The following GRID2 variants were observed in gnomAD, a reference collection of about 807,000 sequenced individuals.
The protein encoded by GRID2 is glutamate receptor ionotropic, delta-2.
Under a neutral mutation model 114.8 loss-of-function variants are expected in GRID2, and 33 were observed. That is an observed-to-expected ratio of 0.29 (90% CI 0.22 to 0.38). The LOEUF (loss-of-function observed/expected upper bound fraction) is 0.38, where lower values mean the gene tolerates loss of function less well. Ranked by LOEUF, GRID2 falls within the 10% of genes least tolerant of loss-of-function variation. The probability of loss-of-function intolerance (pLI) is 1.00; values close to 1 mark genes in which losing one functional copy is unlikely to be tolerated. For synonymous variants in GRID2, 505 were observed against 449.9 expected, an observed-to-expected ratio of 1.12 and a Z score of -1.55; for missense variants, 1,184 against 1,257.7, an observed-to-expected ratio of 0.94 and a Z score of 0.89.
intron 10 of GRID2, among the ~76,000 whole-genome samples, chr4:93,434,719 G>T (rs1034898608): frequency 6.6e-6 from 1 of 152,106 alleles, no homozygotes; most frequent in African/African-American, 2.4e-5. Flanking sequence ...CAGCCAGAGT[G>T]ATCCAGTCAT....
At chr4:93,237,081 C>T (rs1746886339) in intron 7 of GRID2, among the ~76,000 whole-genome samples, 1 of 151,786 alleles carries the variant, frequency 6.6e-6, no homozygotes, top group African/African-American at 2.4e-5. Flanking sequence ...AATGAAATGG[C>T]TTAGCCTGGT....
chr4:92,487,393 T>C (rs1482216433), intron 1 of GRID2, among the ~76,000 whole-genome samples: 1 of 152,018 alleles, frequency 6.6e-6, no homozygotes, highest in Non-Finnish European at 1.5e-5. Flanking sequence ...CTATCTGTTA[T>C]TATACTCGTG....
At chr4:93,128,655 A>C (rs558737626) in intron 4 of GRID2, among the ~76,000 whole-genome samples, 1 of 152,226 alleles carries the variant, frequency 6.6e-6, no homozygotes, top group South Asian at 2.1e-4. Flanking sequence ...TAAGAAGAGG[A>C]GCAGGAATGG....
chr4:93,234,541 G>A (rs1480407772), intron 7 of GRID2, among the ~76,000 whole-genome samples: 1 of 151,346 alleles, frequency 6.6e-6, no homozygotes, highest in Admixed American at 6.6e-5. Flanking sequence ...GAGTGTATAT[G>A]TATATATGCA....
At chr4:92,967,216 T>C (rs925600629) in intron 2 of GRID2, among the ~76,000 whole-genome samples, 4 of 151,964 alleles carry the variant, frequency 2.6e-5, no homozygotes, top group African/African-American at 7.2e-5. Flanking sequence ...AGTGGATTCA[T>C]TGAGCAAACT....
chr4:93,008,757 A>AT (rs1210280818), intron 2 of GRID2, among the ~76,000 whole-genome samples: 3 of 151,644 alleles, frequency 2.0e-5, no homozygotes, highest in Non-Finnish European at 2.9e-5. Context: ...GCTGTTTTTC[A>AT]TTTTTTTTGC....
At chr4:92,762,746 A>G (rs985575327) in intron 2 of GRID2, among the ~76,000 whole-genome samples, 1 of 152,232 alleles carries the variant, frequency 6.6e-6, no homozygotes, top group Non-Finnish European at 1.5e-5. Context: ...AGGAATAGAC[A>G]GGAAGAGGAT....
chr4:93,473,740 C>G (rs1725058511), intron 11 of GRID2, among the ~76,000 whole-genome samples: 1 of 152,078 alleles, frequency 6.6e-6, no homozygotes, highest in African/African-American at 2.4e-5. Context: ...ATTCATATTG[C>G]TTCCTCAGTT....
At chr4:92,810,577 G>A (rs1292106356) in intron 2 of GRID2, among the ~76,000 whole-genome samples, 5 of 152,028 alleles carry the variant, frequency 3.3e-5, no homozygotes, top group African/African-American at 9.7e-5. Context: ...TATAAAATTT[G>A]TGAGGCATTT....
At chr4:92,443,474 G>A (rs1264815344) in intron 1 of GRID2, among the ~76,000 whole-genome samples, 2 of 151,654 alleles carry the variant, frequency 1.3e-5, no homozygotes, top group African/African-American at 4.8e-5. Context: ...AAAAGAGAGA[G>A]TAGAGAAACG....
At chr4:93,483,713 A>G (rs188190990) in intron 11 of GRID2, among the ~76,000 whole-genome samples, 14 of 152,094 alleles carry the variant, frequency 9.2e-5, no homozygotes, top group Non-Finnish European at 1.6e-4. Flanking sequence ...ATGTGGTAAA[A>G]CAATCACATC....
intron 1 of GRID2, among the ~76,000 whole-genome samples, chr4:92,425,831 AC>A (rs1345395574): frequency 6.6e-6 from 1 of 152,148 alleles, no homozygotes; most frequent in African/African-American, 2.4e-5. Context: ...CAACTAACTT[AC>A]AAGGTGGTTA....
chr4:92,890,245 C>A (rs1334805680), intron 2 of GRID2, among the ~76,000 whole-genome samples: 2 of 152,090 alleles, frequency 1.3e-5, no homozygotes, highest in Non-Finnish European at 2.9e-5. Context: ...GCAGTTGCAA[C>A]AAAAGCCAAA....
chr4:92,990,802 A>G (rs188236328), intron 2 of GRID2, among the ~76,000 whole-genome samples: 2 of 152,302 alleles, frequency 1.3e-5, no homozygotes, highest in Admixed American at 1.3e-4. Flanking sequence ...GATGGTGACT[A>G]CTGAAAATAT....
intron 1 of GRID2, among the ~76,000 whole-genome samples, chr4:92,378,249 T>TTAGACA (rs2110231826): frequency 6.6e-6 from 1 of 152,166 alleles, no homozygotes; most frequent in African/African-American, 2.4e-5. Flanking sequence ...TATCAAAAGA[T>TTAGACA]TAGACATATT....
chr4:93,228,848 G>A (rs1359766237), intron 7 of GRID2, among the ~76,000 whole-genome samples: 2 of 152,186 alleles, frequency 1.3e-5, no homozygotes, highest in Non-Finnish European at 2.9e-5. Context: ...ACACTTTAGT[G>A]AGAGGATCAG....
rs935135712 is a variant in GRID2, at chr4:93,484,798, T to A, written c.1859-5841T>A. Among the ~76,000 whole-genome samples the A allele has an allele frequency of 4.0e-5, 6 of 151,826 alleles. No individual in the cohort carries two copies. The South Asian group carries it at 1.0e-3, about 26-fold the overall frequency. The stretch of plus-strand genomic sequence containing the variant: ...ACAGTTCACTACGCATGAAGAAACC[T>A]TGAGGCCAAACTTAAAATATGTAAG... On this transcript the variant is annotated intron_variant, in intron 11 of 15. Coordinates refer to ENST00000282020, the MANE Select transcript of GRID2 (RefSeq NM_001510.4).
chr4:92,927,033 C>T (rs981684113), intron 2 of GRID2, among the ~76,000 whole-genome samples: 22 of 151,976 alleles, frequency 1.4e-4, no homozygotes, highest in African/African-American at 5.3e-4. Context: ...ACCCCCAAAT[C>T]TGATACTTAC....
intron 4 of GRID2, among the ~76,000 whole-genome samples, chr4:93,126,740 G>GGCGCCCGCTGCC (rs1250000210): frequency 5.1e-4 from 76 of 150,408 alleles, no homozygotes; most frequent in Non-Finnish European, 8.9e-4. Flanking sequence ...TGGGACTACA[G>GGCGCCCGCTGCC]GCGCCCGCTA....
Sources: allele counts gnomAD v4.1 joint callset (sites outside exome capture counted in the v4.1 genomes callset), GRCh38; gene constraint gnomAD v4.1.1; transcripts MANE v1.5; gene names NCBI Gene and HGNC (gene_info 2026-07-23, HGNC 2026-07-21).